Variants in STEAP1B observed in about 807,000 individuals in gnomAD.
The protein encoded by STEAP1B is STEAP family member 1B, also known as STEAP family protein MGC87042.
A neutral mutation model predicts 27.9 loss-of-function variants in STEAP1B; 13 were observed. That is an observed-to-expected ratio of 0.47 (90% CI 0.30 to 0.74). STEAP1B has a LOEUF of 0.74. Among genes scored for constraint, STEAP1B ranks in the 30% least tolerant of loss-of-function variants. The pLI, the probability that STEAP1B is intolerant of heterozygous loss-of-function variation, is 0.06. For synonymous variants in STEAP1B, 86 were observed against 107.1 expected (o/e 0.80, Z 1.22); for missense variants, 250 against 298.7 (o/e 0.84, Z 1.20).
chr7:22,471,893 CA>C (rs59453902), intron 4 of STEAP1B, among the ~76,000 whole-genome samples: 9,287 of 60,222 alleles, frequency 0.15, 172 homozygotes, highest in African/African-American at 0.22. Context: ...AACCTGTCTC[CA>C]AAAAAAAAAA....
chr7:22,436,474 T>C (rs918467374), intron 4 of STEAP1B, among the ~76,000 whole-genome samples: 4 of 152,152 alleles, frequency 2.6e-5, no homozygotes, highest in Admixed American at 2.6e-4. Context: ...GTAAACTTGT[T>C]ATGCAGATTA....
At chr7:22,426,046 C>T (rs1383492614) in intron 4 of STEAP1B, among the ~76,000 whole-genome samples, 2 of 152,094 alleles carry the variant, frequency 1.3e-5, no homozygotes, top group African/African-American at 4.8e-5. Context: ...TACCATTAGA[C>T]TCTCTAAAGG....
chr7:22,494,970 C>G lies in STEAP1B; in HGVS notation c.-31-84G>C, dbSNP rs1441759268. The G allele has an allele frequency of 8.9e-6, 6 of 676,930 alleles. No individual in the cohort carries two copies. The East Asian group carries it at 1.8e-4, about 20-fold the overall frequency. 41.9% of individuals were successfully genotyped at this position (676,930 alleles called of 1,614,324 possible). On this transcript the variant is annotated intron_variant, in intron 1 of 4. Coordinates refer to ENST00000678116, the MANE Select transcript of STEAP1B (RefSeq NM_001382447.1). ...TGTAACAATATAAAAAATTTACTTGCTTAAAGACTAGAATGGCAGATAAAG... is the reference window on the plus strand; with the variant it reads ...TGTAACAATATAAAAAATTTACTTGGTTAAAGACTAGAATGGCAGATAAAG...
intron 4 of STEAP1B, among the ~76,000 whole-genome samples, chr7:22,486,504 T>G (rs1474642555): frequency 6.6e-6 from 1 of 152,078 alleles, no homozygotes; most frequent in African/African-American, 2.4e-5. Context: ...GCCAACCCTC[T>G]CAGAGGGATT....
intron 2 of STEAP1B, 40 bp downstream of exon 2, chr7:22,494,732 T>C: frequency 7.6e-7 from 1 of 1,320,410 alleles, no homozygotes. Flanking sequence ...TGTTTAAAGA[T>C]GTAAATTATT....
intron 4 of STEAP1B, among the ~76,000 whole-genome samples, chr7:22,459,972 C>T (rs1292423935): frequency 2.0e-5 from 3 of 151,972 alleles, no homozygotes; most frequent in African/African-American, 4.8e-5. Flanking sequence ...AACGTGTAGC[C>T]GTTTAGGTCC....
In STEAP1B at chr7:22,492,719, T is replaced by C. The variant is rs1325268015; in HGVS notation, c.608A>G (p.Asn203Ser). ...LNWAYQQVQQ[N>S]KEDAWIEHDV... ...ATGCTCAATCCAGGCATCTTCTTTATTTTGTTGGACCTACCAGAAGGTAAA... is the reference window on the plus strand; with the variant it reads ...ATGCTCAATCCAGGCATCTTCTTTACTTTGTTGGACCTACCAGAAGGTAAA... Residue 203 changes from asparagine to serine, a missense_variant, in exon 4 of 5, where the codon AAT (asparagine) becomes AGT (serine). Physicochemically the swap from Asn to Ser is conservative, Grantham distance 46 (BLOSUM62 1). Coordinates refer to ENST00000678116, the MANE Select transcript of STEAP1B (RefSeq NM_001382447.1). 1.9e-6 allele frequency: 3 copies of C among 1,590,852 alleles called. No individual in the cohort carries two copies. The highest frequency in any genetic ancestry group is 2.7e-5 in the African/African-American group (2 of 73,476).
chr7:22,444,805 A>C (rs1316820327), intron 4 of STEAP1B, among the ~76,000 whole-genome samples: 1 of 152,168 alleles, frequency 6.6e-6, no homozygotes, highest in East Asian at 1.9e-4. Flanking sequence ...TTAGCTGATG[A>C]GCTGTGCTCT....
chr7:22,432,469 G>A (rs746948804), intron 4 of STEAP1B, among the ~76,000 whole-genome samples: 6 of 152,128 alleles, frequency 3.9e-5, no homozygotes, highest in African/African-American at 7.2e-5. Context: ...CCAGCTACTT[G>A]GGAGGCTAAG....
intron 4 of STEAP1B, among the ~76,000 whole-genome samples, chr7:22,443,137 C>T (rs144505061): frequency 2.6e-5 from 4 of 152,182 alleles, no homozygotes; most frequent in East Asian, 1.9e-4. Context: ...CCTCATCTTT[C>T]GCAGGTGTTT....
chr7:22,498,906 A>C (rs911165984), intron 1 of STEAP1B, among the ~76,000 whole-genome samples: 4 of 152,234 alleles, frequency 2.6e-5, no homozygotes, highest in African/African-American at 9.6e-5. Flanking sequence ...GAAGCCAAGG[A>C]AAAGCCCATG....
intron 4 of STEAP1B, among the ~76,000 whole-genome samples, chr7:22,454,454 T>G (rs763656776): frequency 6.6e-6 from 1 of 152,146 alleles, no homozygotes; most frequent in Non-Finnish European, 1.5e-5. Context: ...GAGACAGCTC[T>G]TCAGAGGGCA....
At chr7:22,478,533 CAAAAATCAGAG>C (rs1786012789) in intron 4 of STEAP1B, among the ~76,000 whole-genome samples, 1 of 152,144 alleles carries the variant, frequency 6.6e-6, no homozygotes, top group Non-Finnish European at 1.5e-5. Flanking sequence ...AATATGTGAT[CAAAAATCAGAG>C]AAAACCTCAA....
chr7:22,455,124 A>G (rs1298146425), intron 4 of STEAP1B, among the ~76,000 whole-genome samples: 2 of 151,996 alleles, frequency 1.3e-5, no homozygotes, highest in Non-Finnish European at 2.9e-5. Flanking sequence ...CGGCCTCCCA[A>G]AGTGCTGGGA....
At position 22,459,561 on chromosome 7, in the gene STEAP1B, G is replaced by A. The variant is rs189219160; in HGVS notation, c.762+33004C>T. Among the ~76,000 whole-genome samples the A allele has an allele frequency of 2.8e-4, 42 of 152,076 alleles. 1 individual carries two copies. Among genetic ancestry groups the A allele is most frequent in the Admixed American group, 1.0e-3 (16 of 15,278 alleles). On this transcript the variant is annotated intron_variant, in intron 4 of 4. Transcript: ENST00000678116. ...CATTTTAACAAAAACAACAAAATACGGCAAAAGTTACACATATAGTAAATG... is the reference window on the plus strand; with the variant it reads ...CATTTTAACAAAAACAACAAAATACAGCAAAAGTTACACATATAGTAAATG...
intron 4 of STEAP1B, among the ~76,000 whole-genome samples, chr7:22,461,959 C>A (rs1785685781): frequency 6.6e-6 from 1 of 152,164 alleles, no homozygotes; most frequent in South Asian, 2.1e-4. Context: ...TGAAACGTAC[C>A]AGCCACGTAG....
intron 4 of STEAP1B, among the ~76,000 whole-genome samples, chr7:22,469,700 C>G (rs1257477873): frequency 1.3e-5 from 2 of 152,094 alleles, no homozygotes; most frequent in East Asian, 3.8e-4. Flanking sequence ...TTGCAGATAG[C>G]CTACATGTAT....
chr7:22,429,711 T>C (rs944402199), intron 4 of STEAP1B, among the ~76,000 whole-genome samples: 10 of 152,248 alleles, frequency 6.6e-5, no homozygotes, highest in Admixed American at 5.9e-4. Context: ...TTTTTAAATT[T>C]CTATTTAATA....
rs1180444225 is a variant in STEAP1B at position 22,493,506 on chromosome 7, C to CAATT, written c.411_414dup (p.Val139AsnfsTer6). On this transcript the variant is annotated frameshift_variant, in exon 3 of 5. Coordinates refer to ENST00000678116, the MANE Select transcript of STEAP1B (RefSeq NM_001382447.1). LOFTEE classifies it high-confidence loss of function. ...TACTTGGTTCCATTATGAACTTGGACAATTGCTGCTATCACACCTGGTAGG... is the reference window on the plus strand; with the variant it reads ...TACTTGGTTCCATTATGAACTTGGACAATTAATTGCTGCTATCACACCTGGTAGG... The CAATT allele has an allele frequency of 6.2e-7, 1 of 1,613,642 alleles. No individual in the cohort carries two copies. The highest frequency in any genetic ancestry group is 8.5e-7 in the Non-Finnish European group (1 of 1,179,758).
Sources: allele counts gnomAD v4.1 joint callset (sites outside exome capture counted in the v4.1 genomes callset), GRCh38; gene constraint gnomAD v4.1.1; transcripts MANE v1.5; gene names NCBI Gene and HGNC (gene_info 2026-07-23, HGNC 2026-07-21).